The following ZNF483 variants were observed in gnomAD, a reference collection of about 807,000 sequenced individuals.
ZNF483 encodes zinc finger protein 483.
Under a neutral mutation model 28.6 loss-of-function variants are expected in ZNF483, and 9 were observed. That is an observed-to-expected ratio of 0.32 (90% CI 0.19 to 0.55). The LOEUF (loss-of-function observed/expected upper bound fraction) is 0.55. Ranked by LOEUF, ZNF483 falls within the 20% of genes least tolerant of loss-of-function variation. ZNF483 has a pLI of 0.93. For missense variants in ZNF483, 675 were observed against 871.7 expected (o/e 0.77, Z 2.84); for synonymous variants, 322 against 306.2 (o/e 1.05, Z -0.54).
At chr9:111,576,198 AAAG>A (rs1829047049) in intron 5 of ZNF483, among the ~76,000 whole-genome samples, 1 of 152,104 alleles carries the variant, frequency 6.6e-6, no homozygotes, top group Admixed American at 6.6e-5. Flanking sequence ...ACAAAAACAG[AAAG>A]AAGGTTAAAG....
At position 111,561,108 on chromosome 9, in the gene ZNF483, TATAGAG is replaced by T. The variant is rs1196120096; in HGVS notation, c.722-15255_722-15250del. 1.5e-3 allele frequency among the ~76,000 whole-genome samples: 32 copies of T among 20,860 alleles called. 3 individuals are homozygous for T. The highest frequency in any genetic ancestry group is 0.011 in the African/African-American group (27 of 2,556). The allele number at this position is 20,860 out of a possible 152,430, so 13.7% of individuals were successfully genotyped here. On this transcript the variant is annotated intron_variant, in intron 5 of 5. Transcript: ENST00000358151. ...AAATATATATATATATATATATATATATAGAGAGAGAGAGAGAGAGAGAGAGAGAGG... is the reference window on the plus strand; with the variant it reads ...AAATATATATATATATATATATATATAGAGAGAGAGAGAGAGAGAGAGAGG...
At chr9:111,540,189 CATAAA>C (rs1364668149) in intron 5 of ZNF483, among the ~76,000 whole-genome samples, 1 of 151,850 alleles carries the variant, frequency 6.6e-6, no homozygotes, top group Non-Finnish European at 1.5e-5. Context: ...GGGAAATAAT[CATAAA>C]AGAGTAACAA....
rs770532124 is a variant in ZNF483 at position 111,543,002 on chromosome 9, A to G, written c.2067A>G (p.Lys689=). 3 of 1,614,156 alleles carry G rather than the reference A, an allele frequency of 1.9e-6. No homozygotes were observed. Among genetic ancestry groups the G allele is most frequent in the East Asian group, 4.5e-5 (2 of 44,874 alleles). The stretch of plus-strand genomic sequence containing the variant: ...ACCACCGAATTCATACAGGAGAGAA[A>G]CCCTATGAGTGTAACTATTGTGGTG... ...NEHHRIHTGE[K]PYECNYCGAT... Residue 689 remains lysine, a synonymous_variant, in exon 6 of 6, where the codon AAA becomes AAG. Coordinates refer to ENST00000309235, the MANE Select transcript of ZNF483 (RefSeq NM_133464.5).
chr9:111,530,271 C>T (rs903583331), intron 2 of ZNF483, among the ~76,000 whole-genome samples: 1 of 152,222 alleles, frequency 6.6e-6, no homozygotes, highest in African/African-American at 2.4e-5. Context: ...GTGGCAGTTC[C>T]TGGAGAGCTG....
At chr9:111,533,508 A>G (rs1045602394) in intron 3 of ZNF483, among the ~76,000 whole-genome samples, 3 of 152,016 alleles carry the variant, frequency 2.0e-5, no homozygotes, top group African/African-American at 7.2e-5. Context: ...TAGTGAGACA[A>G]TGCCTCTACA....
chr9:111,569,782 AAG>A (rs1466605220), intron 5 of ZNF483: 2 of 357,892 alleles, frequency 5.6e-6, no homozygotes, highest in African/African-American at 2.1e-5. Context: ...ATGTGGGTTT[AAG>A]GAAGAATGGA....
At chr9:111,570,257 C>A in intron 5 of ZNF483, 2 of 1,580,530 alleles carry the variant, frequency 1.3e-6, no homozygotes, top group South Asian at 1.2e-5. Flanking sequence ...GGGAGGTGCC[C>A]ATGGTGAAAC....
rs1421695033 is a variant in ZNF483, at chr9:111,548,337, G to C, written c.*5167G>C. Among the ~76,000 whole-genome samples, 1 of 152,156 alleles carries C rather than the reference G, an allele frequency of 6.6e-6. No individual in the cohort carries two copies. Among genetic ancestry groups the C allele is most frequent in the East Asian group, 1.9e-4 (1 of 5,198 alleles). On this transcript the variant is annotated 3_prime_UTR_variant, in exon 6 of 6. Transcript: ENST00000309235. ...TTAATTTTTTCAGCAATGTGTTACA[G>C]TTGTCATTGTACAAGTCTTTTGCCT...
chr9:111,576,412 T>A, exon 6 of ZNF483: 1 of 1,614,144 alleles, frequency 6.2e-7, no homozygotes, highest in Non-Finnish European at 8.5e-7. Context: ...TGAGGCTGAA[T>A]AAGACCATGC....
chr9:111,526,231 A>G (rs945901300), intron 1 of ZNF483, among the ~76,000 whole-genome samples: 2 of 152,186 alleles, frequency 1.3e-5, no homozygotes. Flanking sequence ...AGGAGAGGGA[A>G]TAGCCTTGGT....
intron 5 of ZNF483, among the ~76,000 whole-genome samples, chr9:111,567,600 CAG>C (rs1189097729): frequency 1.3e-5 from 2 of 152,142 alleles, no homozygotes. Flanking sequence ...GAAATGAAAT[CAG>C]AGAGATATCA....
intron 5 of ZNF483, among the ~76,000 whole-genome samples, chr9:111,573,492 A>G (rs926353410): frequency 5.9e-5 from 9 of 152,180 alleles, no homozygotes; most frequent in Non-Finnish European, 1.3e-4. Context: ...TCATCATAGA[A>G]TAAATAACCA....
At chr9:111,535,100 T>C (rs1383908683) in intron 5 of ZNF483, among the ~76,000 whole-genome samples, 1 of 152,166 alleles carries the variant, frequency 6.6e-6, no homozygotes, top group East Asian at 1.9e-4. Context: ...GAGTCCTGTG[T>C]CTCAAAGAAA....
intron 4 of ZNF483, among the ~76,000 whole-genome samples, 158 bp from the exon 5 acceptor site, chr9:111,534,102 AT>A (rs1376671084): frequency 2.6e-5 from 4 of 152,176 alleles, no homozygotes; most frequent in Non-Finnish European, 5.9e-5. Flanking sequence ...CATCAGTGGA[AT>A]ACCTTTTCCC....
At position 111,561,177 on chromosome 9, in the gene ZNF483, G is replaced by A. The variant is rs1386072774; in HGVS notation, c.722-15188G>A. The stretch of plus-strand genomic sequence containing the variant: ...AGAGAGAGAGAGAGAGAGAGAGAGA[G>A]AAAGAGAGAGAGATTCTTCCTGTCC... On this transcript the variant is annotated intron_variant, in intron 5 of 5. Transcript: ENST00000358151. 1.3e-4 allele frequency among the ~76,000 whole-genome samples: 14 copies of A among 106,374 alleles called. 2 individuals are homozygous for A. In the East Asian group the frequency reaches 3.9e-3, roughly 30 times the overall value. The allele number at this position is 106,374 out of a possible 152,430, so 69.8% of individuals were successfully genotyped here.
intron 5 of ZNF483, among the ~76,000 whole-genome samples, chr9:111,560,626 G>A (rs1384226950): frequency 1.0e-5 from 1 of 96,542 alleles, no homozygotes; most frequent in Non-Finnish European, 1.8e-5. Context: ...GGGAGACAGA[G>A]ACACCATCTC....
At chr9:111,537,590 A>G (rs1402928781) in intron 5 of ZNF483, among the ~76,000 whole-genome samples, 2 of 152,086 alleles carry the variant, frequency 1.3e-5, no homozygotes. Context: ...CTATGAAATT[A>G]TTACAGTGTA....
intron 5 of ZNF483, among the ~76,000 whole-genome samples, chr9:111,567,436 T>C (rs1182088685): frequency 3.3e-5 from 5 of 152,136 alleles, no homozygotes; most frequent in Admixed American, 6.6e-5. Flanking sequence ...CCACCTGCCT[T>C]GGCCTCCCAA....
chr9:111,536,943 T>G (rs1827521736), intron 5 of ZNF483, among the ~76,000 whole-genome samples: 1 of 152,214 alleles, frequency 6.6e-6, no homozygotes, highest in Non-Finnish European at 1.5e-5. Flanking sequence ...TTATGTTGTT[T>G]GTCTGAAATG....
Sources: gnomAD v4.1 joint callset for allele counts (sites outside exome capture counted in the v4.1 genomes callset) on GRCh38, gnomAD v4.1.1 for gene constraint, MANE v1.5 for transcripts, NCBI Gene and HGNC (gene_info 2026-07-23, HGNC 2026-07-21) for gene names.